FBXL17: variants seen among roughly 807,000 people sequenced by gnomAD.
FBXL17 encodes the protein F-box and leucine rich repeat protein 17.
A neutral mutation model predicts 66.2 loss-of-function variants in FBXL17; 22 were observed. The ratio of observed to expected loss-of-function variants is 0.33; its 90% CI spans 0.24 to 0.47. The LOEUF is 0.47. Ranked by LOEUF, FBXL17 falls within the 20% of genes least tolerant of loss-of-function variation. The probability of loss-of-function intolerance (pLI) is 1.00; values close to 1 mark genes in which losing one functional copy is unlikely to be tolerated. For missense variants in FBXL17, 878 were observed against 948.2 expected, an observed-to-expected ratio of 0.93 and a Z score of 0.97; for synonymous variants, 474 against 400.5, an observed-to-expected ratio of 1.18 and a Z score of -2.19.
At position 108,051,391 on chromosome 5, in the gene FBXL17, C is replaced by T. The variant is rs182912684; in HGVS notation, c.1746-30390G>A. ...AGCACATCACAAAACTTATCCACCA[C>T]GGTCAAGGTGGCTTCATCCCTGGGA... is the stretch of plus-strand genomic sequence containing the variant. On this transcript the variant is annotated intron_variant, in intron 6 of 8. Coordinates refer to ENST00000542267, the MANE Select transcript of FBXL17 (RefSeq NM_001163315.3). Among the ~76,000 whole-genome samples the T allele has an allele frequency of 3.3e-3, 505 of 152,290 alleles. 4 individuals carry two copies. The highest frequency in any genetic ancestry group is 0.011 in the African/African-American group (476 of 41,568).
intron 7 of FBXL17, among the ~76,000 whole-genome samples, chr5:108,020,624 CTT>C (rs1754557733): frequency 6.6e-6 from 1 of 151,736 alleles, no homozygotes; most frequent in South Asian, 2.1e-4. Context: ...TATTGTTAAA[CTT>C]ATTTTCATTG....
chr5:108,364,900 T>C lies in FBXL17; in HGVS notation c.1212A>G (p.Val404=). The C allele has an allele frequency of 1.2e-6, 2 of 1,613,020 alleles. No individual in the cohort carries two copies. Among genetic ancestry groups the C allele is most frequent in the Non-Finnish European group, 1.7e-6 (2 of 1,179,222 alleles). ...SDCRSMSDNG[V]CVLAFKCPGL... ...CAGGACATTTAAATGCTAAAACACA[T>C]ACGCCATTATCAGACATACTGCGAC... is the stretch of plus-strand genomic sequence containing the variant. The change falls in exon 3 of 9, where the codon GTA becomes GTG. Residue 404 remains valine (V), a synonymous_variant. Coordinates refer to ENST00000542267, the MANE Select transcript of FBXL17 (RefSeq NM_001163315.3).
chr5:108,288,410 C>G (rs1265037414), intron 4 of FBXL17, among the ~76,000 whole-genome samples: 1 of 151,492 alleles, frequency 6.6e-6, no homozygotes, highest in Non-Finnish European at 1.5e-5. Context: ...TGTAAGGTTG[C>G]CACAAATCTT....
chr5:108,103,440 T>C (rs765108406), intron 6 of FBXL17, among the ~76,000 whole-genome samples: 7 of 152,230 alleles, frequency 4.6e-5, no homozygotes, highest in African/African-American at 7.2e-5. Flanking sequence ...TTGCTACTGT[T>C]AAAAATAATC....
At chr5:108,349,951 C>A (rs1210678683) in intron 3 of FBXL17, among the ~76,000 whole-genome samples, 3 of 152,080 alleles carry the variant, frequency 2.0e-5, no homozygotes, top group Non-Finnish European at 2.9e-5. Context: ...ACTTTGTAAG[C>A]AATAGAAATC....
intron 6 of FBXL17, among the ~76,000 whole-genome samples, chr5:108,098,572 C>G (rs951881862): frequency 6.6e-6 from 1 of 151,788 alleles, no homozygotes; most frequent in Non-Finnish European, 1.5e-5. Flanking sequence ...GGTCAAACCC[C>G]GTCTCTACTA....
intron 4 of FBXL17, among the ~76,000 whole-genome samples, chr5:108,274,659 G>C (rs1284133673): frequency 6.6e-6 from 1 of 152,186 alleles, no homozygotes; most frequent in African/African-American, 2.4e-5. Context: ...GAAGTGATAA[G>C]TGTCCATGAA....
At chr5:108,077,691 A>T (rs1748606914) in intron 6 of FBXL17, among the ~76,000 whole-genome samples, 1 of 152,028 alleles carries the variant, frequency 6.6e-6, no homozygotes, top group African/African-American at 2.4e-5. Flanking sequence ...AAAAAATGAA[A>T]ATGATAGTAT....
At chr5:107,973,659 A>T (rs1020048290) in intron 7 of FBXL17, among the ~76,000 whole-genome samples, 3 of 152,106 alleles carry the variant, frequency 2.0e-5, no homozygotes, top group African/African-American at 7.2e-5. Context: ...CTAGCATTCC[A>T]AGTGTTTGTA....
intron 8 of FBXL17, chr5:107,878,636 T>C (rs1370644384): frequency 5.0e-5 from 49 of 985,314 alleles, no homozygotes; most frequent in Non-Finnish European, 5.7e-5. Flanking sequence ...ATCTTGATGG[T>C]AACTTAAAAT....
chr5:107,880,606 C>T (rs1748756525), intron 8 of FBXL17: 4 of 1,087,128 alleles, frequency 3.7e-6, no homozygotes, highest in Middle Eastern at 8.3e-4. Flanking sequence ...ATGTTCAGTA[C>T]CAAAATTACA....
intron 6 of FBXL17, among the ~76,000 whole-genome samples, chr5:108,115,562 C>G (rs1750215524): frequency 2.0e-5 from 3 of 151,282 alleles, no homozygotes; most frequent in South Asian, 2.1e-4. Flanking sequence ...CGTCAACACT[C>G]AGTTCAAGCT....
chr5:108,307,348 A>T (rs1223008367), intron 4 of FBXL17, among the ~76,000 whole-genome samples: 1 of 152,064 alleles, frequency 6.6e-6, no homozygotes, highest in Non-Finnish European at 1.5e-5. Context: ...TCCGTCACCC[A>T]GGCTGGAGTG....
intron 7 of FBXL17, among the ~76,000 whole-genome samples, chr5:107,927,123 A>G (rs1018675784): frequency 6.6e-6 from 1 of 152,174 alleles, no homozygotes; most frequent in Non-Finnish European, 1.5e-5. Context: ...TAATAAAAAC[A>G]CTAAATAGAA....
intron 7 of FBXL17, among the ~76,000 whole-genome samples, chr5:107,995,523 T>C (rs1753436426): frequency 1.3e-5 from 2 of 152,238 alleles, no homozygotes; most frequent in Non-Finnish European, 1.5e-5. Flanking sequence ...AAACTTTCCC[T>C]TACTTTTAAG....
At chr5:108,352,683 G>A (rs1747729660) in intron 3 of FBXL17, among the ~76,000 whole-genome samples, 1 of 151,610 alleles carries the variant, frequency 6.6e-6, no homozygotes, top group African/African-American at 2.4e-5. Context: ...GCTAATTTTT[G>A]TATTTTTAGT....
Position 108,381,407 on chromosome 5 carries a change from G to A in FBXL17, c.285C>T (p.Ser95=). The part of the protein sequence containing the change: ...PPRDGAYAAA[S]SSQHLARRYA... ...AGCGCCGCGCCAGGTGCTGAGAGGA[G>A]GAGGCGGCAGCGTAGGCCCCGTCCC... Residue 95 remains serine (S), a synonymous_variant, in exon 1 of 9, where the codon TCC becomes TCT. Coordinates refer to ENST00000542267, the MANE Select transcript of FBXL17 (RefSeq NM_001163315.3). 2 of 1,325,436 alleles carry A rather than the reference G, an allele frequency of 1.5e-6. No individual in the cohort carries two copies. The highest frequency in any genetic ancestry group is 2.2e-5 in the South Asian group (1 of 46,458). 82.1% of individuals were successfully genotyped at this position (1,325,436 alleles called of 1,614,324 possible).
intron 4 of FBXL17, among the ~76,000 whole-genome samples, chr5:108,284,873 T>C (rs750216337): frequency 6.6e-6 from 1 of 151,802 alleles, no homozygotes; most frequent in East Asian, 1.9e-4. Context: ...ACAACAGTGT[T>C]TGATGTATCA....
intron 4 of FBXL17, among the ~76,000 whole-genome samples, chr5:108,261,470 A>C (rs1194584861): frequency 1.3e-5 from 2 of 152,260 alleles, no homozygotes; most frequent in East Asian, 3.9e-4. Context: ...AAACTTTGGA[A>C]AATGAGTAAA....
Sources: gnomAD v4.1 joint callset for allele counts (sites outside exome capture counted in the v4.1 genomes callset) on GRCh38, gnomAD v4.1.1 for gene constraint, MANE v1.5 for transcripts, NCBI Gene and HGNC (gene_info 2026-07-23, HGNC 2026-07-21) for gene names.